Variants in CCDC146 observed in about 807,000 individuals in gnomAD.
CCDC146 encodes coiled-coil domain-containing protein 146.
A neutral mutation model predicts 119.3 loss-of-function variants in CCDC146; 92 were observed. The observed-to-expected ratio is 0.77, with a 90% CI of 0.65 to 0.92. The LOEUF (loss-of-function observed/expected upper bound fraction) is 0.92. Ranked by LOEUF, CCDC146 falls within the 40% of genes least tolerant of loss-of-function variation. CCDC146 has a pLI of 0.00. For missense variants in CCDC146, 1,000 were observed against 1,103.0 expected (o/e 0.91, Z 1.32); for synonymous variants, 372 against 371.8 (o/e 1.00, Z -0.01).
At chr7:77,262,066 A>C in intron 8 of CCDC146, 55 bp from the exon 9 acceptor site, 1 of 1,435,822 alleles carries the variant, frequency 7.0e-7, no homozygotes, top group Non-Finnish European at 9.4e-7. Flanking sequence ...TTTGAAAAAC[A>C]TTTAGGACAG....
chr7:77,258,713 T>A (rs1793229643), intron 6 of CCDC146, among the ~76,000 whole-genome samples: 1 of 152,198 alleles, frequency 6.6e-6, no homozygotes, highest in Non-Finnish European at 1.5e-5. Flanking sequence ...TATTGGGACG[T>A]CACTCCATTG....
At chr7:77,266,403 T>G in intron 9 of CCDC146, among the ~76,000 whole-genome samples, 1 of 152,200 alleles carries the variant, frequency 6.6e-6, no homozygotes, top group South Asian at 2.1e-4. Flanking sequence ...TCAGGCACAG[T>G]CAGGTTCAGA....
At chr7:77,188,207 A>T (rs1791702178) in intron 2 of CCDC146, among the ~76,000 whole-genome samples, 1 of 152,212 alleles carries the variant, frequency 6.6e-6, no homozygotes. Context: ...ACTGCTTTAA[A>T]TTTAATTCGG....
chr7:77,204,757 T>A (rs1053619244), intron 2 of CCDC146, among the ~76,000 whole-genome samples: 14 of 152,164 alleles, frequency 9.2e-5, no homozygotes, highest in Non-Finnish European at 1.6e-4. Flanking sequence ...TCATGAAGGA[T>A]CCAAAAGGTT....
In CCDC146 at chr7:77,235,214, T is replaced by A. The variant is rs143095282; in HGVS notation, c.157-1733T>A. On this transcript the variant is annotated intron_variant, in intron 2 of 18. Coordinates refer to ENST00000285871, the MANE Select transcript of CCDC146 (RefSeq NM_020879.3). ...CCCTTTCCTCATAGGTCTTATATAC[T>A]AGCTGGGGAAGTATAAAAATGTTTT... is the stretch of plus-strand genomic sequence containing the variant. Among the ~76,000 whole-genome samples, 451 of 152,330 alleles carry A rather than the reference T, an allele frequency of 3.0e-3. 5 individuals carry two copies. The highest frequency in any genetic ancestry group is 4.1e-3 in the African/African-American group (169 of 41,572).
chr7:77,239,441 T>C (rs1792802709), intron 3 of CCDC146, among the ~76,000 whole-genome samples: 1 of 152,262 alleles, frequency 6.6e-6, no homozygotes. Flanking sequence ...TCCCAGTAAA[T>C]GTTTTGCTAG....
chr7:77,171,533 C>T (rs1388680581), intron 2 of CCDC146, among the ~76,000 whole-genome samples: 3 of 152,230 alleles, frequency 2.0e-5, no homozygotes, highest in African/African-American at 7.2e-5. Context: ...CACCTCCAGA[C>T]TTATCTGCGC....
At chr7:77,250,981 G>A (rs1793048679) in intron 4 of CCDC146, among the ~76,000 whole-genome samples, 1 of 105,254 alleles carries the variant, frequency 9.5e-6, no homozygotes, top group South Asian at 2.9e-4. Flanking sequence ...ATTTGTGTGT[G>A]TGTGTGTGTG....
intron 1 of CCDC146, among the ~76,000 whole-genome samples, chr7:77,133,339 A>G (rs1430691146): frequency 6.6e-6 from 1 of 151,950 alleles, no homozygotes; most frequent in Non-Finnish European, 1.5e-5. Flanking sequence ...TAAGATTTGG[A>G]ACAACTTTTG....
chr7:77,157,707 G>C (rs1469387221), intron 1 of CCDC146, among the ~76,000 whole-genome samples: 2 of 152,114 alleles, frequency 1.3e-5, no homozygotes, highest in Non-Finnish European at 2.9e-5. Context: ...CCTTCCAGTG[G>C]GGGCTGCTTC....
chr7:77,161,231 A>G (rs927266933), intron 1 of CCDC146, among the ~76,000 whole-genome samples: 1 of 152,188 alleles, frequency 6.6e-6, no homozygotes, highest in Non-Finnish European at 1.5e-5. Flanking sequence ...CAGTGTGGTG[A>G]TTCCTCAAGG....
At chr7:77,220,735 A>G (rs1190497143) in intron 2 of CCDC146, among the ~76,000 whole-genome samples, 3 of 152,166 alleles carry the variant, frequency 2.0e-5, no homozygotes, top group Non-Finnish European at 4.4e-5. Context: ...TGCTTTACTC[A>G]GGGATTTGAA....
At chr7:77,197,570 G>A (rs765824535) in intron 2 of CCDC146, among the ~76,000 whole-genome samples, 1 of 152,192 alleles carries the variant, frequency 6.6e-6, no homozygotes, top group Non-Finnish European at 1.5e-5. Context: ...TGCATACAGA[G>A]GAAGCACAGG....
intron 2 of CCDC146, among the ~76,000 whole-genome samples, chr7:77,179,201 G>C (rs1213597287): frequency 1.3e-5 from 2 of 152,180 alleles, no homozygotes; most frequent in South Asian, 2.1e-4. Flanking sequence ...AAGGAACAGA[G>C]TATCAGGGAA....
chr7:77,289,050 C>T (rs1456571906), intron 17 of CCDC146, among the ~76,000 whole-genome samples: 1 of 133,914 alleles, frequency 7.5e-6, no homozygotes, highest in African/African-American at 2.7e-5. Context: ...GTGTGCAAAT[C>T]ACAACTTGGC....
At chr7:77,180,179 GC>G in intron 2 of CCDC146, among the ~76,000 whole-genome samples, 1 of 142,624 alleles carries the variant, frequency 7.0e-6, no homozygotes, top group East Asian at 2.0e-4. Flanking sequence ...CCATATATAT[GC>G]ACCCATATGT....
At chr7:77,177,607 G>A (rs1418553430) in intron 2 of CCDC146, among the ~76,000 whole-genome samples, 1 of 152,130 alleles carries the variant, frequency 6.6e-6, no homozygotes, top group African/African-American at 2.4e-5. Flanking sequence ...GACTTTTAAA[G>A]TAGACTGTGT....
chr7:77,196,317 C>A lies in CCDC146; in HGVS notation c.156+28493C>A. ...TGCTTGGGTCTGATCATCATCTTAG[C>A]CTCTTTGAAGGAGGACTTGTAGCCA... is the stretch of plus-strand genomic sequence containing the variant. On this transcript the variant is annotated intron_variant, in intron 2 of 18. Coordinates refer to ENST00000285871, the MANE Select transcript of CCDC146 (RefSeq NM_020879.3). This position sits in a 1 kb window ranked among gnomAD's most constrained non-coding sequence, Gnocchi z 4.2. The A allele has an allele frequency of 6.2e-7, 1 of 1,614,030 alleles. No homozygotes were observed. Among genetic ancestry groups the A allele is most frequent in the Non-Finnish European group, 8.5e-7 (1 of 1,179,976 alleles).
intron 1 of CCDC146, among the ~76,000 whole-genome samples, chr7:77,126,820 G>A (rs560883778): frequency 3.9e-4 from 60 of 152,224 alleles, no homozygotes; most frequent in Non-Finnish European, 4.0e-4. Context: ...GCAGCCATGG[G>A]CTGCTGGAAG....
Sources: gnomAD v4.1 joint callset for allele counts (sites outside exome capture counted in the v4.1 genomes callset) on GRCh38, gnomAD v4.1.1 for gene constraint, Gnocchi (gnomAD v3.1) non-coding constraint, MANE v1.5 for transcripts, NCBI Gene and HGNC (gene_info 2026-07-23, HGNC 2026-07-21) for gene names.